Variants in RBFOX1 observed in about 807,000 individuals in gnomAD.
RBFOX1 encodes RNA binding protein fox-1 homolog 1.
In RBFOX1, 8 loss-of-function variants were observed where a neutral mutation model predicts 57.7. The ratio of observed to expected loss-of-function variants is 0.14; its 90% CI spans 0.08 to 0.25. RBFOX1 has a LOEUF of 0.25. Ranked by LOEUF, RBFOX1 falls within the 10% of genes least tolerant of loss-of-function variation. RBFOX1 has a pLI of 1.00. For synonymous variants in RBFOX1, 326 were observed against 222.4 expected (o/e 1.47, Z -4.15); for missense variants, 611 against 548.5 (o/e 1.11, Z -1.14).
chr16:6,592,847 A>T (rs1216719198), intron 2 of RBFOX1, among the ~76,000 whole-genome samples: 1 of 152,146 alleles, frequency 6.6e-6, no homozygotes, highest in African/African-American at 2.4e-5. Context: ...CAAGTTGCTG[A>T]TTAGCTGTTT....
chr16:6,663,504 G>A (rs768334217), intron 3 of RBFOX1, among the ~76,000 whole-genome samples: 10 of 152,130 alleles, frequency 6.6e-5, no homozygotes, highest in Non-Finnish European at 1.3e-4. Context: ...ATGGGAGAAG[G>A]TTCACTCCTT....
intron 3 of RBFOX1, among the ~76,000 whole-genome samples, chr16:6,912,826 C>G (rs2072039114): frequency 3.3e-5 from 5 of 151,956 alleles, no homozygotes; most frequent in Admixed American, 3.3e-4. Flanking sequence ...CACTGTGTTG[C>G]CCAGGCTAGA....
chr16:5,492,196 A>G (rs1192980687), intron 2 of RBFOX1, among the ~76,000 whole-genome samples: 3 of 151,868 alleles, frequency 2.0e-5, no homozygotes, highest in Admixed American at 2.0e-4. Context: ...TGAACTACCT[A>G]CTCCTCTCTG....
chr16:6,852,335 C>G (rs927951026), intron 3 of RBFOX1, among the ~76,000 whole-genome samples: 1 of 152,142 alleles, frequency 6.6e-6, no homozygotes, highest in Middle Eastern at 3.4e-3. Context: ...GCGTGTAGGG[C>G]CCTCTGGATA....
downstream of RBFOX1, chr16:5,601,684 A>T (rs151266412): frequency 5.9e-5 from 9 of 152,362 alleles, no homozygotes; most frequent in African/African-American, 2.2e-4. Flanking sequence ...GAAAACAAAG[A>T]TACTAAACAC....
chr16:6,082,708 G>A (rs921513114), intron 1 of RBFOX1, among the ~76,000 whole-genome samples: 3 of 152,114 alleles, frequency 2.0e-5, no homozygotes, highest in African/African-American at 7.2e-5. Context: ...AAGGGACAAT[G>A]TTCTCTGAGC....
At chr16:6,010,733 G>A (rs965330503) in intron 4 of RBFOX1, among the ~76,000 whole-genome samples, 2 of 152,050 alleles carry the variant, frequency 1.3e-5, no homozygotes, top group African/African-American at 2.4e-5. Context: ...ATTCCCAAAC[G>A]GTATCCGTTA....
At chr16:5,778,964 A>G (rs773950681) in intron 3 of RBFOX1, among the ~76,000 whole-genome samples, 5 of 152,154 alleles carry the variant, frequency 3.3e-5, no homozygotes, top group Admixed American at 6.5e-5. Flanking sequence ...TAAGCCCCTC[A>G]TCCATTGATC....
intron 3 of RBFOX1, among the ~76,000 whole-genome samples, chr16:6,934,473 C>A (rs372188080): frequency 2.6e-5 from 4 of 152,088 alleles, no homozygotes; most frequent in East Asian, 1.9e-4. Context: ...TGGAATCAAC[C>A]TAACTGTCCA....
chr16:6,552,538 C>G (rs945713385), intron 2 of RBFOX1, among the ~76,000 whole-genome samples: 16 of 152,150 alleles, frequency 1.1e-4, no homozygotes, highest in Non-Finnish European at 2.9e-5. Context: ...TAAATGTTAC[C>G]TGTTATCCCA....
chr16:6,497,368 T>C (rs767809996), intron 2 of RBFOX1, among the ~76,000 whole-genome samples: 2 of 152,110 alleles, frequency 1.3e-5, no homozygotes, highest in African/African-American at 2.4e-5. Context: ...CTCCACAGAC[T>C]TTCTCTAAAA....
At chr16:6,489,325 GGTTTATTT>G (rs1365067584) in intron 2 of RBFOX1, among the ~76,000 whole-genome samples, 1 of 151,990 alleles carries the variant, frequency 6.6e-6, no homozygotes, top group Admixed American at 6.6e-5. Flanking sequence ...TAGGTTTATT[GGTTTATTT>G]GTTTATATAA....
chr16:5,674,627 A>G (rs141032796), intron 3 of RBFOX1, among the ~76,000 whole-genome samples: 76 of 152,332 alleles, frequency 5.0e-4, no homozygotes, highest in African/African-American at 1.7e-3. Context: ...GTTAGTGCCA[A>G]AGTTATTGTG....
At chr16:6,834,886 T>G (rs13338756) in intron 3 of RBFOX1, among the ~76,000 whole-genome samples, 14,828 of 134,430 alleles carry the variant, frequency 0.11, 852 homozygotes, top group African/African-American at 0.15. Context: ...AGGCCTGACT[T>G]CTCTATTTTT....
chr16:7,699,398 C>G (rs1208368509), intron 14 of RBFOX1, among the ~76,000 whole-genome samples: 1 of 152,162 alleles, frequency 6.6e-6, no homozygotes, highest in Admixed American at 6.5e-5. Context: ...TGTTCTATTG[C>G]CCAGGCTGAT....
intron 1 of RBFOX1, among the ~76,000 whole-genome samples, chr16:6,025,231 A>G (rs2095166738): frequency 6.6e-6 from 1 of 152,130 alleles, no homozygotes; most frequent in Non-Finnish European, 1.5e-5. Context: ...CTATGACCAG[A>G]TTTGGTCTGT....
intron 3 of RBFOX1, among the ~76,000 whole-genome samples, chr16:5,666,015 C>G (rs775711753): frequency 6.6e-6 from 1 of 152,240 alleles, no homozygotes; most frequent in African/African-American, 2.4e-5. Flanking sequence ...GCCACCCACT[C>G]AAACCAGTCA....
chr16:6,477,460 G>A (rs1455078192), intron 2 of RBFOX1, among the ~76,000 whole-genome samples: 1 of 152,164 alleles, frequency 6.6e-6, no homozygotes, highest in Non-Finnish European at 1.5e-5. Context: ...TGTTGTCAAT[G>A]AGCAGTAATA....
chr16:6,500,981 A>G (rs975045554), intron 2 of RBFOX1, among the ~76,000 whole-genome samples: 3 of 144,818 alleles, frequency 2.1e-5, no homozygotes, highest in African/African-American at 7.9e-5. Context: ...TTTTCTTCCT[A>G]TCCTTCCTGG....
Sources: allele counts gnomAD v4.1 joint callset (sites outside exome capture counted in the v4.1 genomes callset), GRCh38; gene constraint gnomAD v4.1.1; transcripts MANE v1.5; gene names NCBI Gene and HGNC (gene_info 2026-07-23, HGNC 2026-07-21).